Variants in DGKB observed in about 807,000 individuals in gnomAD.
DGKB encodes the protein diacylglycerol kinase beta, also known as 90 kDa diacylglycerol kinase.
A neutral mutation model predicts 114.3 loss-of-function variants in DGKB; 67 were observed. The observed-to-expected ratio is 0.59, with a 90% CI of 0.48 to 0.72. The LOEUF is 0.72. DGKB is among the 30% of genes least tolerant of loss of function. The probability of loss-of-function intolerance (pLI) is 0.00; values close to 1 mark genes in which losing one functional copy is unlikely to be tolerated. For synonymous variants in DGKB, 398 were observed against 323.1 expected (o/e 1.23, Z -2.49); for missense variants, 907 against 975.2 (o/e 0.93, Z 0.93).
intron 23 of DGKB, among the ~76,000 whole-genome samples, chr7:14,313,700 G>T (rs1241613037): frequency 6.6e-6 from 1 of 152,176 alleles, no homozygotes; most frequent in African/African-American, 2.4e-5. Context: ...CAGCGAGGCT[G>T]GGGGAGGGGC....
chr7:14,683,191 A>G (rs1821126025), intron 10 of DGKB, among the ~76,000 whole-genome samples: 1 of 152,164 alleles, frequency 6.6e-6, no homozygotes, highest in Non-Finnish European at 1.5e-5. Flanking sequence ...ATTTGCTAGA[A>G]GGAAGAGATC....
chr7:14,217,448 A>G (rs1207644036), intron 23 of DGKB, among the ~76,000 whole-genome samples: 1 of 152,116 alleles, frequency 6.6e-6, no homozygotes, highest in African/African-American at 2.4e-5. Flanking sequence ...GTAACATTAA[A>G]GAAAAAAATC....
chr7:14,519,637 C>G (rs1037984588), intron 20 of DGKB, among the ~76,000 whole-genome samples: 1 of 151,920 alleles, frequency 6.6e-6, no homozygotes, highest in Non-Finnish European at 1.5e-5. Context: ...AACTTCCAAA[C>G]TGCTAAAGTA....
intron 21 of DGKB, among the ~76,000 whole-genome samples, chr7:14,379,022 T>C (rs1417497689): frequency 6.9e-6 from 1 of 145,112 alleles, no homozygotes; most frequent in Non-Finnish European, 1.5e-5. Flanking sequence ...GGGGAAAATG[T>C]CATCTGAGGA....
chr7:14,445,967 AT>A, intron 21 of DGKB, among the ~76,000 whole-genome samples: 1 of 152,080 alleles, frequency 6.6e-6, no homozygotes, highest in Non-Finnish European at 1.5e-5. Context: ...GCTCACAGAT[AT>A]TTTTTACTTT....
At chr7:14,930,377 C>T (rs892250472) in intron 1 of DGKB, among the ~76,000 whole-genome samples, 5 of 152,004 alleles carry the variant, frequency 3.3e-5, no homozygotes, top group African/African-American at 1.2e-4. Context: ...TTGTGTAATC[C>T]ATAATTCTTT....
upstream of DGKB, among the ~76,000 whole-genome samples, chr7:14,908,310 G>A (rs1040986492): frequency 2.0e-5 from 3 of 152,000 alleles, no homozygotes; most frequent in African/African-American, 4.8e-5. Context: ...TTTCTAACAC[G>A]CTGGAGGCCA....
In DGKB at chr7:14,973,527, GTTTTTTTTTTCTT is replaced by G. The variant is rs887743542; in HGVS notation, c.-188+1156_-188+1168del. ...TGTTTTGTTTGTTTTTTGTTTTTTT[GTTTTTTTTTTCTT>G]TTTTTTTTCTTTTTTGTTTTTGTGT... On this transcript the variant is annotated intron_variant, in intron 1 of 4. Coordinates refer to the DGKB transcript ENST00000437998. Among the ~76,000 whole-genome samples, 674 of 137,312 alleles carry G rather than the reference GTTTTTTTTTTCTT, an allele frequency of 4.9e-3. 3 individuals carry two copies. Among genetic ancestry groups the G allele is most frequent in the African/African-American group, 0.016 (607 of 37,308 alleles). 90.1% of individuals were successfully genotyped at this position (137,312 alleles called of 152,430 possible).
chr7:14,307,943 C>A (rs1282377627), intron 23 of DGKB, among the ~76,000 whole-genome samples: 1 of 151,120 alleles, frequency 6.6e-6, no homozygotes, highest in Non-Finnish European at 1.5e-5. Context: ...TGGCTTAGGA[C>A]TTCAAGAACA....
At chr7:14,151,758 G>A (rs1782243309) in intron 25 of DGKB, among the ~76,000 whole-genome samples, 1 of 152,038 alleles carries the variant, frequency 6.6e-6, no homozygotes, top group Non-Finnish European at 1.5e-5. Context: ...ATGGAAACGA[G>A]AACCAATTGG....
At chr7:14,541,159 G>T (rs1793377226) in intron 20 of DGKB, among the ~76,000 whole-genome samples, 1 of 151,576 alleles carries the variant, frequency 6.6e-6, no homozygotes, top group African/African-American at 2.4e-5. Context: ...CATGTCCAAA[G>T]ATCTGTGGGA....
At chr7:14,624,800 C>T (rs1808274639) in intron 14 of DGKB, among the ~76,000 whole-genome samples, 1 of 152,082 alleles carries the variant, frequency 6.6e-6, no homozygotes, top group African/African-American at 2.4e-5. Flanking sequence ...GAGTTCAAGA[C>T]CAGCTTGGGC....
intron 1 of DGKB, among the ~76,000 whole-genome samples, chr7:14,872,606 A>G (rs1473091737): frequency 2.0e-5 from 3 of 152,124 alleles, no homozygotes; most frequent in South Asian, 4.1e-4. Flanking sequence ...GCACAGTGAC[A>G]CCATTATACT....
intron 13 of DGKB, among the ~76,000 whole-genome samples, chr7:14,648,824 A>G (rs1176337163): frequency 7.2e-6 from 1 of 138,626 alleles, no homozygotes; most frequent in Non-Finnish European, 1.6e-5. Flanking sequence ...CTGAAAACCA[A>G]GGCTCGAGAG....
chr7:14,605,366 C>CTATATATATATTTCATATATATATACTA (rs1554541133), intron 17 of DGKB, among the ~76,000 whole-genome samples: 1 of 146,602 alleles, frequency 6.8e-6, no homozygotes, highest in Admixed American at 6.9e-5. Context: ...TATATATATA[C>CTATATATATATTTCATATATATATACTA]TATATATATA....
At chr7:14,688,364 C>T (rs919573489) in intron 9 of DGKB, among the ~76,000 whole-genome samples, 4 of 152,032 alleles carry the variant, frequency 2.6e-5, no homozygotes, top group Admixed American at 6.5e-5. Context: ...TCCTATTTTC[C>T]TCTCGAATGA....
intron 20 of DGKB, among the ~76,000 whole-genome samples, chr7:14,489,549 A>G (rs2128929335): frequency 6.6e-6 from 1 of 152,330 alleles, no homozygotes; most frequent in Middle Eastern, 3.4e-3. Context: ...GATTTGATAT[A>G]ATTTCCGAAA....
intron 23 of DGKB, among the ~76,000 whole-genome samples, chr7:14,300,616 T>TCA (rs1803374572): frequency 1.3e-5 from 2 of 152,086 alleles, no homozygotes; most frequent in Non-Finnish European, 2.9e-5. Flanking sequence ...TTCTCTTAGT[T>TCA]TTATATTTCC....
chr7:14,681,908 T>C (rs1211309405), intron 12 of DGKB, among the ~76,000 whole-genome samples: 1 of 152,068 alleles, frequency 6.6e-6, no homozygotes. Context: ...GTCTCTCTTA[T>C]ACCCCAATGC....
Sources: allele counts gnomAD v4.1 joint callset (sites outside exome capture counted in the v4.1 genomes callset), GRCh38; gene constraint gnomAD v4.1.1; transcripts MANE v1.5; gene names NCBI Gene and HGNC (gene_info 2026-07-23, HGNC 2026-07-21).